SLC49A4: variants seen among roughly 807,000 people sequenced by gnomAD.
The protein encoded by SLC49A4 is disrupted in renal cancer protein 2.
A neutral mutation model predicts 50.6 loss-of-function variants in SLC49A4; 36 were observed. That is an observed-to-expected ratio of 0.71 (90% CI 0.55 to 0.94). The LOEUF is 0.94. Ranked by LOEUF, SLC49A4 falls within the 40% of genes least tolerant of loss-of-function variation. The pLI is 0.00. For synonymous variants in SLC49A4, 248 were observed against 241.2 expected, an observed-to-expected ratio of 1.03 and a Z score of -0.26; for missense variants, 503 against 605.7, an observed-to-expected ratio of 0.83 and a Z score of 1.78.
chr3:122,836,146 TCTTA>T (rs1413886470), intron 4 of SLC49A4, among the ~76,000 whole-genome samples: 1 of 152,222 alleles, frequency 6.6e-6, no homozygotes, highest in Non-Finnish European at 1.5e-5. Flanking sequence ...CGTAGATAGC[TCTTA>T]CTATTTTGAG....
intron 7 of SLC49A4, among the ~76,000 whole-genome samples, chr3:122,868,181 CG>C (rs1937144819): frequency 6.6e-6 from 1 of 151,292 alleles, no homozygotes; most frequent in Admixed American, 6.6e-5. Flanking sequence ...TGGTTTTTTA[CG>C]GGCACAAGGG....
intron 4 of SLC49A4, among the ~76,000 whole-genome samples, chr3:122,838,480 C>G (rs12186023): frequency 0.17 from 25,771 of 147,826 alleles, 3,074 homozygotes; most frequent in East Asian, 0.52. Flanking sequence ...ACCGCATGTT[C>G]TCACTCATAG....
intron 5 of SLC49A4, among the ~76,000 whole-genome samples, chr3:122,853,064 A>G (rs1327421139): frequency 6.6e-6 from 1 of 152,200 alleles, no homozygotes; most frequent in Non-Finnish European, 1.5e-5. Context: ...TGGGTAATTT[A>G]TAAATCATAG....
At chr3:122,844,488 T>A (rs1936821294) in intron 4 of SLC49A4, among the ~76,000 whole-genome samples, 1 of 152,124 alleles carries the variant, frequency 6.6e-6, no homozygotes, top group African/African-American at 2.4e-5. Context: ...AAATAAAAAA[T>A]TTCAAGAAGC....
chr3:122,855,730 G>A (rs1936980784), intron 5 of SLC49A4, among the ~76,000 whole-genome samples: 1 of 152,170 alleles, frequency 6.6e-6, no homozygotes, highest in African/African-American at 2.4e-5. Context: ...TCTGGGTACT[G>A]TATACAAATT....
At chr3:122,870,673 C>T (rs914722314) in intron 7 of SLC49A4, among the ~76,000 whole-genome samples, 5 of 151,322 alleles carry the variant, frequency 3.3e-5, no homozygotes, top group African/African-American at 1.2e-4. Context: ...TTTAGCTTGG[C>T]ATGGTGGCAC....
chr3:122,819,487 A>G (rs1020921924), intron 2 of SLC49A4, among the ~76,000 whole-genome samples: 6 of 152,180 alleles, frequency 3.9e-5, no homozygotes, highest in Admixed American at 3.9e-4. Context: ...TCATCTTCAT[A>G]TTCCCTTTAG....
intron 2 of SLC49A4, among the ~76,000 whole-genome samples, chr3:122,826,180 C>G (rs1397889793): frequency 5.3e-5 from 8 of 152,222 alleles, no homozygotes; most frequent in Non-Finnish European, 1.0e-4. Flanking sequence ...AGCTGGAACC[C>G]AGGTCCTCCG....
At chr3:122,803,707 T>G (rs181292728) in intron 1 of SLC49A4, among the ~76,000 whole-genome samples, 10 of 152,114 alleles carry the variant, frequency 6.6e-5, no homozygotes, top group African/African-American at 2.4e-4. Flanking sequence ...CCACTATGGG[T>G]GTGTGGGTTG....
chr3:122,864,882 A>C (rs781054513), intron 7 of SLC49A4, among the ~76,000 whole-genome samples: 2 of 152,094 alleles, frequency 1.3e-5, no homozygotes, highest in African/African-American at 4.8e-5. Context: ...ATATCATGGC[A>C]TGTTTCTGTA....
intron 4 of SLC49A4, among the ~76,000 whole-genome samples, chr3:122,836,633 T>G (rs934610392): frequency 3.3e-5 from 5 of 152,142 alleles, no homozygotes; most frequent in African/African-American, 4.8e-5. Context: ...CCTAGGAGCA[T>G]TCCCTTTGAA....
chr3:122,855,647 G>C (rs1367748646), intron 5 of SLC49A4, among the ~76,000 whole-genome samples: 5 of 152,096 alleles, frequency 3.3e-5, no homozygotes, highest in African/African-American at 1.2e-4. Flanking sequence ...AAGATAGATG[G>C]AGACGCCTCA....
chr3:122,879,362 T>C lies in SLC49A4; in HGVS notation c.1421T>C (p.Val474Ala). Residue 474 changes from valine (V) to alanine (A), a missense_variant, in exon 9 of 9, where the codon GTG becomes GCG. Physicochemically the swap from Val to Ala is moderately conservative, Grantham distance 64. Transcript: ENST00000261038. ...RESYDRLYLDVVVSV is the reference protein window; with the variant it reads ...RESYDRLYLDAVVSV ...TCCTATGACAGACTCTATCTTGATGTGGTTGTCTCCGTTTAATAGCACAGA... is the reference window on the plus strand; with the variant it reads ...TCCTATGACAGACTCTATCTTGATGCGGTTGTCTCCGTTTAATAGCACAGA... 1 of 1,613,372 alleles carries C rather than the reference T, an allele frequency of 6.2e-7. No homozygotes were observed. Among genetic ancestry groups the C allele is most frequent in the Non-Finnish European group, 8.5e-7 (1 of 1,179,398 alleles).
chr3:122,869,831 T>G (rs1415694939), intron 7 of SLC49A4, among the ~76,000 whole-genome samples: 1 of 152,202 alleles, frequency 6.6e-6, no homozygotes, highest in Non-Finnish European at 1.5e-5. Flanking sequence ...TGTATGGTCT[T>G]GAGGTCTTAG....
intron 3 of SLC49A4, among the ~76,000 whole-genome samples, chr3:122,830,432 T>C (rs1489468026): frequency 6.6e-6 from 1 of 152,192 alleles, no homozygotes. Context: ...AGCTATAAGA[T>C]AGCATAGTAC....
At chr3:122,805,364 A>G (rs983112487) in intron 1 of SLC49A4, among the ~76,000 whole-genome samples, 1 of 152,226 alleles carries the variant, frequency 6.6e-6, no homozygotes, top group Non-Finnish European at 1.5e-5. Flanking sequence ...TCCTTAATGT[A>G]GCATGTCTGG....
intron 4 of SLC49A4, among the ~76,000 whole-genome samples, chr3:122,834,749 A>G (rs1266216810): frequency 1.3e-5 from 2 of 152,138 alleles, no homozygotes; most frequent in Non-Finnish European, 2.9e-5. Flanking sequence ...AAAAAATACA[A>G]AAGATCAATA....
At chr3:122,875,198 A>G (rs1937249741) in intron 8 of SLC49A4, among the ~76,000 whole-genome samples, 2 of 152,220 alleles carry the variant, frequency 1.3e-5, no homozygotes, top group African/African-American at 4.8e-5. Context: ...TCCACAGCCT[A>G]GTACCCTAAA....
intron 3 of SLC49A4, among the ~76,000 whole-genome samples, chr3:122,830,973 A>T (rs922982498): frequency 6.6e-6 from 1 of 152,158 alleles, no homozygotes; most frequent in Non-Finnish European, 1.5e-5. Context: ...AAAGGACTCA[A>T]ACACATTTCT....
Sources: gnomAD v4.1 joint callset for allele counts (sites outside exome capture counted in the v4.1 genomes callset) on GRCh38, gnomAD v4.1.1 for gene constraint, MANE v1.5 for transcripts, NCBI Gene and HGNC (gene_info 2026-07-23, HGNC 2026-07-21) for gene names.